The following MAGI2 variants were observed in gnomAD, a reference collection of about 807,000 sequenced individuals.
MAGI2 encodes membrane-associated guanylate kinase, WW and PDZ domain-containing protein 2.
Under a neutral mutation model 133.3 loss-of-function variants are expected in MAGI2, and 35 were observed. The ratio of observed to expected loss-of-function variants is 0.26; its 90% CI spans 0.20 to 0.35. The LOEUF is 0.35. Among genes scored for constraint, MAGI2 ranks in the 10% least tolerant of loss-of-function variants. MAGI2 has a pLI of 1.00. For synonymous variants in MAGI2, 729 were observed against 710.6 expected (o/e 1.03, Z -0.41); for missense variants, 1,636 against 1,863.4 (o/e 0.88, Z 2.25).
intron 1 of MAGI2, among the ~76,000 whole-genome samples, chr7:79,197,464 G>A (rs942396924): frequency 1.3e-5 from 2 of 151,898 alleles, no homozygotes; most frequent in African/African-American, 2.4e-5. Context: ...CACAACCAGC[G>A]CTTGCTCCAA....
chr7:78,629,288 T>C (rs1378657807), intron 2 of MAGI2, among the ~76,000 whole-genome samples: 3 of 152,250 alleles, frequency 2.0e-5, no homozygotes, highest in African/African-American at 7.2e-5. Context: ...CAACTGATGC[T>C]GGCTGCCTAC....
chr7:78,332,759 C>T (rs1239610520), intron 9 of MAGI2, among the ~76,000 whole-genome samples: 1 of 151,148 alleles, frequency 6.6e-6, no homozygotes, highest in East Asian at 1.9e-4. Flanking sequence ...TGCTCTCACC[C>T]TCACTGTGAG....
intron 1 of MAGI2, among the ~76,000 whole-genome samples, chr7:79,298,136 A>G (rs1315957707): frequency 6.6e-6 from 1 of 152,156 alleles, no homozygotes. Context: ...AACGATGAAT[A>G]CTGTCTTATT....
chr7:78,790,712 G>A (rs905829612), intron 2 of MAGI2, among the ~76,000 whole-genome samples: 5 of 152,066 alleles, frequency 3.3e-5, no homozygotes, highest in African/African-American at 1.2e-4. Context: ...GGGATTAGAG[G>A]TGTGAGCCAC....
At chr7:78,060,359 A>C (rs1813114321) in intron 21 of MAGI2, among the ~76,000 whole-genome samples, 1 of 147,832 alleles carries the variant, frequency 6.8e-6, no homozygotes, top group African/African-American at 2.4e-5. Flanking sequence ...TGTCAGAATG[A>C]TGACCTCGTT....
At chr7:78,100,892 C>G (rs1818152963) in intron 20 of MAGI2, among the ~76,000 whole-genome samples, 3 of 151,968 alleles carry the variant, frequency 2.0e-5, no homozygotes, top group Admixed American at 1.3e-4. Flanking sequence ...AAATCAGTTG[C>G]ATTTCTATAC....
chr7:78,513,482 T>A (rs1385490589), intron 4 of MAGI2, among the ~76,000 whole-genome samples: 1 of 151,596 alleles, frequency 6.6e-6, no homozygotes, highest in African/African-American at 2.4e-5. Context: ...TCATAATCAC[T>A]TTCCTGAGGA....
chr7:79,448,865 A>G (rs1849040999), intron 1 of MAGI2, among the ~76,000 whole-genome samples: 1 of 152,172 alleles, frequency 6.6e-6, no homozygotes, highest in South Asian at 2.1e-4. Flanking sequence ...ACAGATAAAA[A>G]GCAAATAATC....
chr7:79,005,015 G>C (rs969203347), intron 2 of MAGI2, among the ~76,000 whole-genome samples: 4 of 151,600 alleles, frequency 2.6e-5, no homozygotes, highest in Non-Finnish European at 5.9e-5. Context: ...CTGGGAGGCA[G>C]AGGTTGCAGT....
intron 1 of MAGI2, among the ~76,000 whole-genome samples, chr7:79,169,379 T>C (rs764259848): frequency 6.6e-6 from 1 of 152,150 alleles, no homozygotes; most frequent in East Asian, 1.9e-4. Context: ...TTACCAACCA[T>C]ATGGTTAGTT....
At chr7:78,860,232 C>A (rs1055088519) in intron 2 of MAGI2, among the ~76,000 whole-genome samples, 2 of 152,200 alleles carry the variant, frequency 1.3e-5, no homozygotes, top group South Asian at 4.1e-4. Flanking sequence ...TCATCTGAAG[C>A]CTTCTTCTCT....
At chr7:78,928,172 T>C (rs1799855593) in intron 2 of MAGI2, among the ~76,000 whole-genome samples, 1 of 152,002 alleles carries the variant, frequency 6.6e-6, no homozygotes, top group African/African-American at 2.4e-5. Flanking sequence ...AAATAGTTCC[T>C]TCCACAGGAA....
In MAGI2 at chr7:78,747,703, G is replaced by A. The variant is rs76175402; in HGVS notation, c.419-120464C>T. Among the ~76,000 whole-genome samples, 204 of 152,212 alleles carry A rather than the reference G, an allele frequency of 1.3e-3. 2 individuals are homozygous for A. In the East Asian group the frequency reaches 0.025, roughly 18 times the overall value. ...CAGCCCTGATCTCACTAGAAGGTTTGGTCTGTTTTACTCAAAGCTGCATCC... is the reference window on the plus strand; with the variant it reads ...CAGCCCTGATCTCACTAGAAGGTTTAGTCTGTTTTACTCAAAGCTGCATCC... On this transcript the variant is annotated intron_variant, in intron 2 of 21. Transcript: ENST00000354212.
intron 2 of MAGI2, among the ~76,000 whole-genome samples, chr7:78,804,230 C>T (rs549307724): frequency 1.3e-5 from 2 of 152,016 alleles, no homozygotes; most frequent in Admixed American, 1.3e-4. Context: ...AAAAAGGCTT[C>T]GGCTTTCTTG....
At chr7:78,573,669 C>T (rs1435029074) in intron 3 of MAGI2, among the ~76,000 whole-genome samples, 1 of 150,454 alleles carries the variant, frequency 6.6e-6, no homozygotes, top group Non-Finnish European at 1.5e-5. Flanking sequence ...TTTGGTAATC[C>T]TTATTATGCT....
At chr7:78,975,210 T>C (rs1226681401) in intron 2 of MAGI2, among the ~76,000 whole-genome samples, 2 of 151,762 alleles carry the variant, frequency 1.3e-5, no homozygotes, top group Non-Finnish European at 2.9e-5. Flanking sequence ...ATAGTCCATC[T>C]AACAAGAGCA....
At chr7:78,387,588 C>T (rs564268830) in intron 6 of MAGI2, among the ~76,000 whole-genome samples, 1 of 152,234 alleles carries the variant, frequency 6.6e-6, no homozygotes, top group South Asian at 2.1e-4. Flanking sequence ...TTCTTACCCT[C>T]CATCACCACA....
At chr7:78,841,340 C>T (rs1204183354) in intron 2 of MAGI2, among the ~76,000 whole-genome samples, 3 of 152,076 alleles carry the variant, frequency 2.0e-5, no homozygotes, top group Non-Finnish European at 1.5e-5. Context: ...TGGCATGGCT[C>T]ACCAATCACT....
chr7:79,216,794 T>C (rs975450045), intron 1 of MAGI2, among the ~76,000 whole-genome samples: 7 of 152,108 alleles, frequency 4.6e-5, no homozygotes, highest in African/African-American at 7.3e-5. Context: ...AGATGGTTGT[T>C]GTCTTCAAAT....
Sources: allele counts gnomAD v4.1 joint callset (sites outside exome capture counted in the v4.1 genomes callset), GRCh38; gene constraint gnomAD v4.1.1; transcripts MANE v1.5; gene names NCBI Gene and HGNC (gene_info 2026-07-23, HGNC 2026-07-21).